The following RBFOX1 variants were observed in gnomAD, a reference collection of about 807,000 sequenced individuals.
RBFOX1 encodes the protein RNA binding protein fox-1 homolog 1.
In RBFOX1, 8 loss-of-function variants were observed where a neutral mutation model predicts 57.7. The observed-to-expected ratio is 0.14, with a 90% CI of 0.08 to 0.25. The LOEUF (loss-of-function observed/expected upper bound fraction) is 0.25. Among genes scored for constraint, RBFOX1 ranks in the 10% least tolerant of loss-of-function variants. The pLI is 1.00. For missense variants in RBFOX1, 611 were observed against 548.5 expected, an observed-to-expected ratio of 1.11 and a Z score of -1.14; for synonymous variants, 326 against 222.4, an observed-to-expected ratio of 1.47 and a Z score of -4.15.
chr16:6,935,155 C>T (rs141916372), intron 3 of RBFOX1, among the ~76,000 whole-genome samples: 7 of 152,148 alleles, frequency 4.6e-5, no homozygotes, highest in African/African-American at 1.7e-4. Flanking sequence ...AGCTATATGC[C>T]TATCTGGCCT....
intron 2 of RBFOX1, among the ~76,000 whole-genome samples, chr16:6,379,131 T>C (rs1338690925): frequency 6.6e-6 from 1 of 151,848 alleles, no homozygotes; most frequent in African/African-American, 2.4e-5. Flanking sequence ...TTGCCGAAAA[T>C]AAAGAATGGT....
intron 3 of RBFOX1, among the ~76,000 whole-genome samples, chr16:5,849,311 G>C (rs898972736): frequency 2.0e-5 from 3 of 152,144 alleles, no homozygotes; most frequent in African/African-American, 7.2e-5. Context: ...GCAGTAACAA[G>C]TGTCACCAGG....
At chr16:7,543,124 C>G (rs1352564299) in intron 5 of RBFOX1, among the ~76,000 whole-genome samples, 1 of 152,194 alleles carries the variant, frequency 6.6e-6, no homozygotes, top group South Asian at 2.1e-4. Context: ...TGTTTCTGCA[C>G]CCCGCCATGC....
intron 1 of RBFOX1, among the ~76,000 whole-genome samples, chr16:6,217,392 C>T (rs1203069285): frequency 2.0e-5 from 3 of 151,704 alleles, no homozygotes; most frequent in East Asian, 3.9e-4. Context: ...CTCCTACAGT[C>T]TCAGTGATCT....
At chr16:6,327,629 C>T (rs1245924385) in intron 2 of RBFOX1, among the ~76,000 whole-genome samples, 4 of 152,030 alleles carry the variant, frequency 2.6e-5, no homozygotes, top group Non-Finnish European at 5.9e-5. Flanking sequence ...AGAATCTATA[C>T]CTTCAAGAAA....
chr16:6,323,891 G>A (rs2082080398), intron 2 of RBFOX1, among the ~76,000 whole-genome samples: 1 of 151,982 alleles, frequency 6.6e-6, no homozygotes, highest in Admixed American at 6.6e-5. Context: ...TTGTGCCTCA[G>A]CCTCTCAAGT....
intron 4 of RBFOX1, among the ~76,000 whole-genome samples, chr16:7,309,025 G>A (rs528499259): frequency 2.0e-5 from 3 of 152,278 alleles, no homozygotes; most frequent in South Asian, 2.1e-4. Context: ...TGTCAGTAAC[G>A]CAGAAAAGAA....
intron 3 of RBFOX1, among the ~76,000 whole-genome samples, chr16:6,870,787 C>G (rs1036156414): frequency 2.6e-5 from 4 of 152,166 alleles, no homozygotes; most frequent in African/African-American, 4.8e-5. Flanking sequence ...TGTTTCACTA[C>G]TAGCAACTAA....
chr16:6,595,396 C>T (rs145001158), intron 2 of RBFOX1, among the ~76,000 whole-genome samples: 4 of 152,268 alleles, frequency 2.6e-5, no homozygotes, highest in Admixed American at 1.3e-4. Context: ...ATTTAATTCA[C>T]GTTTTGTAGC....
Position 6,942,616 on chromosome 16 carries a change from G to T in RBFOX1, c.-15-109441G>T, listed in dbSNP as rs144225211. On this transcript the variant is annotated intron_variant, in intron 3 of 15. Coordinates refer to ENST00000550418, the MANE Select transcript of RBFOX1 (RefSeq NM_018723.4). ...TGATCAAGACAGAGTGGACTTTTCA[G>T]TGCAGGAGACGGTGCTAGGCAGAGT... Among the ~76,000 whole-genome samples, 468 of 152,280 alleles carry T rather than the reference G, an allele frequency of 3.1e-3. 8 individuals are homozygous for T. Among genetic ancestry groups the T allele is most frequent in the Admixed American group, 0.025 (383 of 15,300 alleles).
chr16:6,998,666 T>A (rs2092481137), intron 3 of RBFOX1, among the ~76,000 whole-genome samples: 1 of 152,178 alleles, frequency 6.6e-6, no homozygotes, highest in Admixed American at 6.5e-5. Flanking sequence ...TGTGTTCCTT[T>A]CCCTCAGACT....
intron 4 of RBFOX1, among the ~76,000 whole-genome samples, chr16:7,372,361 T>TTGTCTGATC (rs2097583546): frequency 6.6e-6 from 1 of 152,178 alleles, no homozygotes; most frequent in South Asian, 2.1e-4. Flanking sequence ...AACTGCCTAG[T>TTGTCTGATC]CTGTGCCAGG....
At chr16:7,001,974 C>A (rs142545948) in intron 3 of RBFOX1, among the ~76,000 whole-genome samples, 20 of 152,142 alleles carry the variant, frequency 1.3e-4, no homozygotes, top group African/African-American at 4.3e-4. Context: ...CGATTGAGCA[C>A]GTGAGTGAAC....
At chr16:6,801,921 A>C (rs961990904) in intron 3 of RBFOX1, among the ~76,000 whole-genome samples, 10 of 152,086 alleles carry the variant, frequency 6.6e-5, no homozygotes, top group Admixed American at 6.5e-5. Context: ...GAGGACCTTC[A>C]TCTGGACCTT....
intron 2 of RBFOX1, among the ~76,000 whole-genome samples, chr16:6,510,338 C>T (rs1369529334): frequency 2.6e-5 from 4 of 152,076 alleles, no homozygotes; most frequent in Non-Finnish European, 4.4e-5. Flanking sequence ...TGCTTTTGTT[C>T]GTGGAAGGTC....
chr16:7,610,321 G>A lies in RBFOX1; in HGVS notation c.676+2983G>A, dbSNP rs183720751. On this transcript the variant is annotated intron_variant, in intron 10 of 15. Coordinates refer to ENST00000550418, the MANE Select transcript of RBFOX1 (RefSeq NM_018723.4). ...TTTTTTGTAGAGACAGGGTTTTGCCGTGTTGGCTAGGCTGGTCTTGAACTT... is the reference window on the plus strand; with the variant it reads ...TTTTTTGTAGAGACAGGGTTTTGCCATGTTGGCTAGGCTGGTCTTGAACTT... Among the ~76,000 whole-genome samples the A allele has an allele frequency of 2.8e-3, 420 of 151,526 alleles. 1 individual carries two copies. The highest frequency in any genetic ancestry group is 9.4e-3 in the African/African-American group (389 of 41,254).
At chr16:5,429,390 C>T (rs530629805) in intron 1 of RBFOX1, among the ~76,000 whole-genome samples, 35 of 152,142 alleles carry the variant, frequency 2.3e-4, no homozygotes, top group Non-Finnish European at 4.3e-4. Context: ...AGGCCTTAGG[C>T]GGGACTCGGG....
chr16:7,395,059 T>G (rs4519347), intron 4 of RBFOX1, among the ~76,000 whole-genome samples: 1 of 152,184 alleles, frequency 6.6e-6, no homozygotes, highest in Non-Finnish European at 1.5e-5. Flanking sequence ...ACTAGGGGGA[T>G]AAATAGAGCC....
At position 7,029,295 on chromosome 16, in the gene RBFOX1, TATAC is replaced by T. The variant is rs1427206843; in HGVS notation, c.-15-22761_-15-22758del. ...ATACGTATATATATACACATATATA[TATAC>T]GTATATGTATATATATATAAAATCA... is the stretch of plus-strand genomic sequence containing the variant. On this transcript the variant is annotated intron_variant, in intron 3 of 15. Transcript: ENST00000550418. Among the ~76,000 whole-genome samples, 32 of 137,632 alleles carry T rather than the reference TATAC, an allele frequency of 2.3e-4. 4 individuals are homozygous for T. The highest frequency in any genetic ancestry group is 7.6e-4 in the African/African-American group (27 of 35,668). 90.3% of individuals were successfully genotyped at this position (137,632 alleles called of 152,430 possible).
Sources: gnomAD v4.1 joint callset for allele counts (sites outside exome capture counted in the v4.1 genomes callset) on GRCh38, gnomAD v4.1.1 for gene constraint, MANE v1.5 for transcripts, NCBI Gene and HGNC (gene_info 2026-07-23, HGNC 2026-07-21) for gene names.